The following NTRK1 variants were observed in gnomAD, a reference collection of about 807,000 sequenced individuals.
NTRK1 encodes the protein neurotrophic receptor tyrosine kinase 1.
NTRK1 carries 62 observed loss-of-function variants against 86.8 expected under a neutral mutation model. The observed-to-expected ratio is 0.71, with a 90% CI of 0.58 to 0.88. The LOEUF (loss-of-function observed/expected upper bound fraction) is 0.88. Among genes scored for constraint, NTRK1 ranks in the 40% least tolerant of loss-of-function variants. The pLI is 0.00. For synonymous variants in NTRK1, 469 were observed against 456.6 expected (o/e 1.03, Z -0.35); for missense variants, 967 against 1,078.4 (o/e 0.90, Z 1.45).
chr1:156,859,030 G>A, upstream of NTRK1: 1 of 189,372 alleles, frequency 5.3e-6, no homozygotes, highest in Non-Finnish European at 1.1e-5. This position sits in a 1 kb window ranked among gnomAD's most constrained non-coding sequence, Gnocchi z 6.2. Context: ...CCCGGGGCGC[G>A]TGGGACTCCG....
chr1:156,866,090 G>C (rs1337794533), intron 3 of NTRK1, among the ~76,000 whole-genome samples: 2 of 152,220 alleles, frequency 1.3e-5, no homozygotes, highest in Non-Finnish European at 2.9e-5. Context: ...TCACACAGCT[G>C]TAAGTGGCAG....
upstream of NTRK1, among the ~76,000 whole-genome samples, chr1:156,860,101 T>C (rs887316196): frequency 6.6e-6 from 1 of 152,256 alleles, no homozygotes; most frequent in Non-Finnish European, 1.5e-5. Flanking sequence ...ATGTCAGCCC[T>C]GCCCTGCCTT....
upstream of NTRK1, among the ~76,000 whole-genome samples, chr1:156,857,309 C>T (rs538793272): frequency 2.1e-4 from 32 of 152,192 alleles, 1 homozygote; most frequent in East Asian, 1.7e-3. Context: ...TCAGGCTCTG[C>T]GAGGCAGATA....
At position 156,869,456 on chromosome 1, in the gene NTRK1, C is replaced by T. The variant is rs149242269; in HGVS notation, c.717+809C>T. On this transcript the variant is annotated intron_variant, in intron 6 of 16. Transcript: ENST00000524377. The stretch of plus-strand genomic sequence containing the variant: ...TTGTACTGCATCCGGGATGAGTTCT[C>T]GGGGGTATCGTGGTCTTTTTTCTGG... 6.6e-5 allele frequency among the ~76,000 whole-genome samples: 10 copies of T among 152,128 alleles called. No individual in the cohort carries two copies. The East Asian group carries it at 1.4e-3, about 21-fold the overall frequency.
chr1:156,842,973 G>T, intron 2 of NTRK1: 4 of 1,530,628 alleles, frequency 2.6e-6, no homozygotes, highest in South Asian at 2.3e-5. Flanking sequence ...CACTAATTAT[G>T]ACCCTGACAA....
chr1:156,868,999 G>A (rs1159381511), intron 6 of NTRK1, among the ~76,000 whole-genome samples: 5 of 110,488 alleles, frequency 4.5e-5, no homozygotes, highest in African/African-American at 7.2e-5. Flanking sequence ...CATCCCTCCC[G>A]TACATCACTT....
intron 14 of NTRK1, among the ~76,000 whole-genome samples, chr1:156,878,206 C>T (rs1031022354): frequency 1.3e-5 from 2 of 152,204 alleles, no homozygotes; most frequent in Non-Finnish European, 2.9e-5. Context: ...GTTCCCTCTG[C>T]CTGGGGCATT....
upstream of NTRK1, chr1:156,858,414 A>G: frequency 2.6e-6 from 2 of 758,128 alleles, no homozygotes; most frequent in African/African-American, 1.7e-5. Context: ...CCTGAGCGCT[A>G]ACCCCAACCC....
Position 156,826,462 on chromosome 1 carries a change from G to A in NTRK1, c.-64+10624G>A, listed in dbSNP as rs185886513. ...ACTACAGGTGTCCACCACTGTGCCC[G>A]GCTAATTTTTTGTATTTTTTAGTAG... On this transcript the variant is annotated intron_variant, in intron 1 of 16. Transcript: ENST00000392302. Among the ~76,000 whole-genome samples the A allele has an allele frequency of 2.6e-3, 393 of 151,970 alleles. 3 individuals are homozygous for A. The highest frequency in any genetic ancestry group is 4.4e-3 in the Non-Finnish European group (300 of 67,952).
Position 156,876,118 on chromosome 1 carries a change from T to G in NTRK1, c.1540T>G (p.Trp514Gly). 6.2e-7 allele frequency: 1 copy of G among 1,614,144 alleles called. No homozygotes were observed. Among genetic ancestry groups the G allele is most frequent in the Non-Finnish European group, 8.5e-7 (1 of 1,180,026 alleles). Residue 514 changes from tryptophan (W) to glycine (G), a missense_variant, in exon 13 of 17, where the codon TGG becomes GGG. By Grantham distance (184) the Trp-to-Gly change is radical. Coordinates refer to ENST00000524377, the MANE Select transcript of NTRK1 (RefSeq NM_002529.4). ...CAAGCGCCGGGACATCGTGCTCAAG[T>G]GGGAGCTGGGGGAGGGCGCCTTTGG... ...HIKRRDIVLK[W>G]ELGEGAFGKV...
At position 156,863,634 on chromosome 1, in the gene NTRK1, C is replaced by T. The variant is rs145550117; in HGVS notation, c.213-720C>T. Among the ~76,000 whole-genome samples, 304 of 151,882 alleles carry T rather than the reference C, an allele frequency of 2.0e-3. 1 individual carries two copies. Among genetic ancestry groups the T allele is most frequent in the Non-Finnish European group, 3.6e-3 (242 of 67,930 alleles). ...TTGCTGCTTGGGTGTGAAGAGGGGC[C>T]AGAGGCTATGGGGGTGCAGAGATGT... On this transcript the variant is annotated intron_variant, in intron 1 of 16. Coordinates refer to ENST00000524377, the MANE Select transcript of NTRK1 (RefSeq NM_002529.4).
At chr1:156,833,422 T>G (rs1486062381) in intron 1 of NTRK1, among the ~76,000 whole-genome samples, 1 of 152,134 alleles carries the variant, frequency 6.6e-6, no homozygotes, top group Non-Finnish European at 1.5e-5. Context: ...CTGGGCATGG[T>G]GGCATACCCC....
intron 1 of NTRK1, among the ~76,000 whole-genome samples, chr1:156,836,166 G>A (rs750978961): frequency 5.9e-5 from 9 of 152,138 alleles, no homozygotes; most frequent in Non-Finnish European, 7.3e-5. Flanking sequence ...GGGAGCCAGA[G>A]TGGGCCCTCA....
intron 2 of NTRK1, chr1:156,849,046 G>T: frequency 5.0e-6 from 8 of 1,612,800 alleles, no homozygotes; most frequent in Non-Finnish European, 6.8e-6. Flanking sequence ...TGCGAGTCTG[G>T]CCTGGGTGGG....
At chr1:156,852,614 T>C (rs1038640568) in intron 2 of NTRK1, among the ~76,000 whole-genome samples, 19 of 152,132 alleles carry the variant, frequency 1.2e-4, no homozygotes, top group African/African-American at 4.6e-4. Context: ...ACATCTGTCG[T>C]TTTACCCATG....
At chr1:156,840,979 G>A (rs755584536) in intron 1 of NTRK1, 43 of 1,613,454 alleles carry the variant, frequency 2.7e-5, no homozygotes, top group Middle Eastern at 1.6e-4. Flanking sequence ...CCGGCATTCC[G>A]GGCTGTAGTA....
intron 1 of NTRK1, among the ~76,000 whole-genome samples, chr1:156,830,512 G>A (rs1403003178): frequency 6.6e-6 from 1 of 151,666 alleles, no homozygotes; most frequent in African/African-American, 2.4e-5. Context: ...CTGGTAAACG[G>A]GGGAAGAACA....
At chr1:156,876,798 G>A (rs1647952190) in intron 14 of NTRK1, among the ~76,000 whole-genome samples, 1 of 152,120 alleles carries the variant, frequency 6.6e-6, no homozygotes, top group Non-Finnish European at 1.5e-5. Context: ...GGGAGGTTGC[G>A]ATGGCAAAGG....
chr1:156,876,036 C>T (rs776285928), intron 12 of NTRK1, 44 bp from the exon 13 acceptor site: 3 of 1,613,878 alleles, frequency 1.9e-6, no homozygotes, highest in Admixed American at 1.7e-5. Context: ...AACCCCAGCC[C>T]TCCCAAGACT....
Sources: allele counts gnomAD v4.1 joint callset (sites outside exome capture counted in the v4.1 genomes callset), GRCh38; gene constraint gnomAD v4.1.1; non-coding constraint Gnocchi (gnomAD v3.1); transcripts MANE v1.5; gene names NCBI Gene and HGNC (gene_info 2026-07-23, HGNC 2026-07-21).